The following MYBPHL variants were observed in gnomAD, a reference collection of about 807,000 sequenced individuals.
The protein encoded by MYBPHL is myosin binding protein H like, also known as myosin-binding protein H-like.
MYBPHL carries 32 observed loss-of-function variants against 39.5 expected under a neutral mutation model. That is an observed-to-expected ratio of 0.81 (90% confidence interval 0.61 to 1.09). The LOEUF (loss-of-function observed/expected upper bound fraction) is 1.09. MYBPHL is among the 50% of genes least tolerant of loss of function. The probability of loss-of-function intolerance (pLI) is 0.00; values close to 1 mark genes in which losing one functional copy is unlikely to be tolerated. For missense variants in MYBPHL, 456 were observed against 460.2 expected (o/e 0.99, Z 0.08); for synonymous variants, 196 against 183.7 (o/e 1.07, Z -0.54).
At position 109,303,196 on chromosome 1, in the gene MYBPHL, C is replaced by G. The variant is rs1658352459; in HGVS notation, c.145+3651G>C. Reference sequence around the variant, plus strand: ...TCTTTATCCCTTTAGCTCACTTCCTCCAGTGCTCCAACACCAGCAATTCTT... The same window carrying G: ...TCTTTATCCCTTTAGCTCACTTCCTGCAGTGCTCCAACACCAGCAATTCTT... On this transcript the variant is annotated intron_variant, in intron 1 of 8. Transcript: ENST00000357155. Among the ~76,000 whole-genome samples the G allele has an allele frequency of 2.0e-5, 3 of 152,378 alleles. No homozygotes were observed. In the South Asian group the frequency reaches 6.2e-4, roughly 32 times the overall value.
intron 3 of MYBPHL, 66 bp from the exon 4 acceptor site, chr1:109,297,255 T>C: frequency 1.2e-6 from 2 of 1,609,264 alleles, no homozygotes; most frequent in South Asian, 2.2e-5. Context: ...ACTTCAGGAG[T>C]GCCCTAGCCC....
At chr1:109,304,474 G>A (rs1033974650) in intron 1 of MYBPHL, among the ~76,000 whole-genome samples, 15 of 152,160 alleles carry the variant, frequency 9.9e-5, no homozygotes, top group African/African-American at 2.7e-4. Context: ...CCCAGGGAAC[G>A]CCTCTTTGCT....
chr1:109,304,450 C>T (rs574492507), intron 1 of MYBPHL, among the ~76,000 whole-genome samples: 9 of 152,308 alleles, frequency 5.9e-5, no homozygotes, highest in Admixed American at 2.0e-4. Flanking sequence ...GCTCTTTCTC[C>T]TCCACCTCAG....
At position 109,296,905 on chromosome 1, in the gene MYBPHL, C is replaced by T; in HGVS notation, c.608G>A (p.Ser203Asn). The T allele has an allele frequency of 6.2e-7, 1 of 1,614,168 alleles. No individual in the cohort carries two copies. The highest frequency in any genetic ancestry group is 8.5e-7 in the Non-Finnish European group (1 of 1,180,018). The change falls in exon 5 of 9, where the codon AGC becomes AAC. Residue 203 changes from serine to asparagine, a missense_variant. Coordinates refer to ENST00000357155, the MANE Select transcript of MYBPHL (RefSeq NM_001010985.3). ...FTVLEHYHRT[S>N]CIVSDLIIGN... ...GATGATGAGGTCAGAGACGATGCAG[C>T]TGGTGCGGTGATAGTGCTCCAGCAC...
chr1:109,295,154 G>A lies in MYBPHL; in HGVS notation c.1011C>T (p.Asn337=), dbSNP rs371838903. 33 of 1,613,820 alleles carry A rather than the reference G, an allele frequency of 2.0e-5. No individual in the cohort carries two copies. Among genetic ancestry groups the A allele is most frequent in the Non-Finnish European group, 2.5e-5 (29 of 1,180,018 alleles). ...AGTCCACAGATGCCTCCCCTAGGGG[G>A]TTCACCGCCTTGCAGGTATAGATGC... The part of the protein sequence containing the change: ...DGGIYTCKAV[N]PLGEASVDCR... Residue 337 remains asparagine, a synonymous_variant, in exon 7 of 9, where the codon AAC becomes AAT. Transcript: ENST00000357155.
At chr1:109,295,816 T>C (rs1439852776) in intron 6 of MYBPHL, among the ~76,000 whole-genome samples, 9 of 152,178 alleles carry the variant, frequency 5.9e-5, no homozygotes, top group Admixed American at 5.9e-4. Context: ...TGGAGCATGA[T>C]GACTAGATTG....
At chr1:109,302,909 G>A (rs1001533866) in intron 1 of MYBPHL, among the ~76,000 whole-genome samples, 6 of 152,202 alleles carry the variant, frequency 3.9e-5, no homozygotes, top group South Asian at 2.1e-4. Flanking sequence ...CCAATGAGAC[G>A]TAAGTGGCAA....
At chr1:109,297,013 C>G (rs761942023) in intron 4 of MYBPHL, 37 bp downstream of exon 4, 5 of 1,614,010 alleles carry the variant, frequency 3.1e-6, no homozygotes, top group African/African-American at 1.3e-5. Context: ...TCCCAACATG[C>G]CCTCTTCCAC....
At chr1:109,299,994 G>A (rs942298474) in intron 1 of MYBPHL, among the ~76,000 whole-genome samples, 3 of 152,262 alleles carry the variant, frequency 2.0e-5, no homozygotes, top group African/African-American at 4.8e-5. Flanking sequence ...ACTTGGAAAG[G>A]AGGGTCAAAA....
At chr1:109,295,015 TC>T in intron 7 of MYBPHL, 95 bp downstream of exon 7, 1 of 1,251,336 alleles carries the variant, frequency 8.0e-7, no homozygotes, top group Non-Finnish European at 1.1e-6. Flanking sequence ...GAACCCCTTC[TC>T]CCCCTAGGCT....
rs111483050 is a variant in MYBPHL at position 109,303,529 on chromosome 1, A to G, written c.145+3318T>C. ...GCCATTAATAGTGACCACCACCTCCAAGTGAACTCTGGCAATTCTACTAGA... is the reference window on the plus strand; with the variant it reads ...GCCATTAATAGTGACCACCACCTCCGAGTGAACTCTGGCAATTCTACTAGA... On this transcript the variant is annotated intron_variant, in intron 1 of 8. Coordinates refer to ENST00000357155, the MANE Select transcript of MYBPHL (RefSeq NM_001010985.3). 2.2e-3 allele frequency among the ~76,000 whole-genome samples: 330 copies of G among 152,272 alleles called. 2 individuals carry two copies. Among genetic ancestry groups the G allele is most frequent in the African/African-American group, 7.6e-3 (314 of 41,556 alleles).
Position 109,296,368 on chromosome 1 carries a change from T to G in MYBPHL, c.733A>C (p.Thr245Pro). 6.2e-7 allele frequency: 1 copy of G among 1,613,660 alleles called. No homozygotes were observed. The highest frequency in any genetic ancestry group is 8.5e-7 in the Non-Finnish European group (1 of 1,179,958). The part of the protein sequence containing the change: ...TDLAHIQKAA[T>P]VYKTKGFAQR... Reference sequence around the variant, plus strand: ...GCAAACCCCTTGGTCTTGTAAACAGTAGCTGAGGGCACCAAGAGGGGCTGG... The same window carrying G: ...GCAAACCCCTTGGTCTTGTAAACAGGAGCTGAGGGCACCAAGAGGGGCTGG... Residue 245 changes from threonine to proline, a missense_variant and splice_region_variant, in exon 6 of 9, where the codon ACT (threonine) becomes CCT (proline). Coordinates refer to ENST00000357155, the MANE Select transcript of MYBPHL (RefSeq NM_001010985.3).
At chr1:109,295,869 G>C (rs1658039584) in intron 6 of MYBPHL, among the ~76,000 whole-genome samples, 1 of 152,188 alleles carries the variant, frequency 6.6e-6, no homozygotes, top group Non-Finnish European at 1.5e-5. Flanking sequence ...GCAAAAGGCT[G>C]AACTCTAGGC....
chr1:109,293,161 C>A (rs141879039), intron 8 of MYBPHL, among the ~76,000 whole-genome samples: 77 of 152,276 alleles, frequency 5.1e-4, no homozygotes, highest in African/African-American at 1.6e-3. Context: ...TCAGCAGGAG[C>A]AGCCTCCCCT....
At position 109,297,858 on chromosome 1, in the gene MYBPHL, C is replaced by T. The variant is rs548757923; in HGVS notation, c.235-241G>A. On this transcript the variant is annotated intron_variant, in intron 2 of 8. Transcript: ENST00000357155. ...TCTGAGAGCTTAGGTCATGAACACC[C>T]GGGGCAGCTGGGACCAATTGAATAG... Among the ~76,000 whole-genome samples the T allele has an allele frequency of 3.3e-5, 5 of 152,282 alleles. No homozygotes were observed. In the South Asian group the frequency reaches 6.2e-4, roughly 19 times the overall value.
Position 109,298,242 on chromosome 1 carries a change from C to T in MYBPHL, c.161G>A (p.Trp54Ter). The change falls in exon 2 of 9, where the codon TGG becomes TAG. Residue 54 changes from tryptophan (W) to a stop codon, truncating the protein, a stop_gained. Coordinates refer to ENST00000357155, the MANE Select transcript of MYBPHL (RefSeq NM_001010985.3). LOFTEE classifies it high-confidence loss of function. ...LPPIEEHPKI[W>*]LPRALRQTYI... ...GGTCTGCCTCAGGGCCCGAGGTAGCCAGATCTTGGGGTGCTCTGAGTGATG... is the reference window on the plus strand; with the variant it reads ...GGTCTGCCTCAGGGCCCGAGGTAGCTAGATCTTGGGGTGCTCTGAGTGATG... 6.2e-7 allele frequency: 1 copy of T among 1,610,172 alleles called. No homozygotes were observed. The highest frequency in any genetic ancestry group is 8.5e-7 in the Non-Finnish European group (1 of 1,178,334).
At chr1:109,304,126 A>G (rs1291974700) in intron 1 of MYBPHL, among the ~76,000 whole-genome samples, 1 of 152,212 alleles carries the variant, frequency 6.6e-6, no homozygotes, top group Non-Finnish European at 1.5e-5. Flanking sequence ...ACCATCTGAC[A>G]TATTAGATAC....
chr1:109,293,600 C>T (rs1163047168), intron 8 of MYBPHL, among the ~76,000 whole-genome samples: 4 of 151,264 alleles, frequency 2.6e-5, no homozygotes, highest in African/African-American at 4.9e-5. Context: ...AATTGCCGGG[C>T]GTGGTGGTGG....
intron 6 of MYBPHL, 130 bp from the exon 7 acceptor site, chr1:109,295,427 G>A (rs1658027054): frequency 1.3e-6 from 1 of 770,720 alleles, no homozygotes; most frequent in Non-Finnish European, 2.0e-6. Context: ...TGTTCCTTAT[G>A]TTGTGGGAAG....
Sources: allele counts gnomAD v4.1 joint callset (sites outside exome capture counted in the v4.1 genomes callset), GRCh38; gene constraint gnomAD v4.1.1; transcripts MANE v1.5; gene names NCBI Gene and HGNC (gene_info 2026-07-23, HGNC 2026-07-21).